The following ATG10 variants were observed in gnomAD, a reference collection of about 807,000 sequenced individuals.
ATG10 encodes ubiquitin-like-conjugating enzyme ATG10.
Under a neutral mutation model 32.1 loss-of-function variants are expected in ATG10, and 30 were observed. The observed-to-expected ratio is 0.94, with a 90% CI of 0.70 to 1.27. The LOEUF is 1.27. Among genes scored for constraint, ATG10 ranks in the 50% most tolerant of loss-of-function variants. The probability of loss-of-function intolerance (pLI) is 0.00; values close to 1 mark genes in which losing one functional copy is unlikely to be tolerated. For synonymous variants in ATG10, 87 were observed against 91.5 expected (o/e 0.95, Z 0.28); for missense variants, 233 against 262.3 (o/e 0.89, Z 0.77).
At chr5:82,103,348 C>G (rs1765340258) in intron 3 of ATG10, among the ~76,000 whole-genome samples, 1 of 152,076 alleles carries the variant, frequency 6.6e-6, no homozygotes. Flanking sequence ...AAAATGAAGT[C>G]CTAACATAGC....
intron 3 of ATG10, among the ~76,000 whole-genome samples, chr5:82,091,225 C>T (rs915283288): frequency 7.9e-5 from 12 of 152,058 alleles, no homozygotes; most frequent in African/African-American, 2.7e-4. Flanking sequence ...GCTATTTCTG[C>T]CTTTAAAAAA....
chr5:82,008,955 G>A (rs1762055395), intron 2 of ATG10, among the ~76,000 whole-genome samples: 1 of 152,144 alleles, frequency 6.6e-6, no homozygotes, highest in South Asian at 2.1e-4. Flanking sequence ...CACCATCTCA[G>A]CATGATAGCT....
intron 2 of ATG10, among the ~76,000 whole-genome samples, chr5:82,022,197 A>T (rs1397906618): frequency 6.6e-6 from 1 of 151,778 alleles, no homozygotes; most frequent in Non-Finnish European, 1.5e-5. Flanking sequence ...TCAAAAAAAA[A>T]AAAATTTTAT....
chr5:81,993,994 T>C (rs1761584966), intron 2 of ATG10, among the ~76,000 whole-genome samples: 1 of 152,180 alleles, frequency 6.6e-6, no homozygotes, highest in South Asian at 2.1e-4. Flanking sequence ...GTTTACCATC[T>C]TTTCTTTGGC....
chr5:82,223,714 A>G (rs750888082), intron 5 of ATG10, among the ~76,000 whole-genome samples: 1 of 152,224 alleles, frequency 6.6e-6, no homozygotes, highest in Non-Finnish European at 1.5e-5. Flanking sequence ...AACAACCTTT[A>G]TAGTCTTATA....
chr5:82,052,290 G>A (rs1363171310), intron 2 of ATG10, among the ~76,000 whole-genome samples: 1 of 152,156 alleles, frequency 6.6e-6, no homozygotes, highest in Non-Finnish European at 1.5e-5. Flanking sequence ...GATTCCAGCA[G>A]GCATAACATA....
At chr5:82,033,208 G>A (rs987995088) in intron 2 of ATG10, among the ~76,000 whole-genome samples, 1 of 152,022 alleles carries the variant, frequency 6.6e-6, no homozygotes, top group Admixed American at 6.6e-5. Flanking sequence ...AAATATCAAT[G>A]CAATACAATT....
Position 82,047,420 on chromosome 5 carries a change from A to G in ATG10, c.109-11075A>G, listed in dbSNP as rs1315179105. Reference sequence around the variant, plus strand: ...ACTGTTAAAAGTAATTAATAAGGAAAACGGAACTAGTGTGTTTAAACTTAC... The same window carrying G: ...ACTGTTAAAAGTAATTAATAAGGAAGACGGAACTAGTGTGTTTAAACTTAC... On this transcript the variant is annotated intron_variant, in intron 2 of 7. Transcript: ENST00000282185. Among the ~76,000 whole-genome samples the G allele has an allele frequency of 2.0e-5, 3 of 152,306 alleles. No individual in the cohort carries two copies. In the East Asian group the frequency reaches 5.8e-4, roughly 29 times the overall value.
At chr5:82,115,807 G>T (rs1765789722) in intron 3 of ATG10, among the ~76,000 whole-genome samples, 1 of 152,052 alleles carries the variant, frequency 6.6e-6, no homozygotes, top group Non-Finnish European at 1.5e-5. Flanking sequence ...GTTGGATCAG[G>T]CTGGGATTTC....
At chr5:82,243,667 G>C (rs1348842916) in intron 5 of ATG10, among the ~76,000 whole-genome samples, 1 of 151,982 alleles carries the variant, frequency 6.6e-6, no homozygotes, top group Non-Finnish European at 1.5e-5. Flanking sequence ...AGCAAAAACT[G>C]ACAAACTGCA....
At chr5:82,030,740 A>G (rs1581616397) in intron 2 of ATG10, among the ~76,000 whole-genome samples, 1 of 152,180 alleles carries the variant, frequency 6.6e-6, no homozygotes, top group Non-Finnish European at 1.5e-5. Flanking sequence ...ACAATTACCA[A>G]CTAAATTCTA....
chr5:82,190,449 A>G (rs989166989), intron 5 of ATG10, among the ~76,000 whole-genome samples: 1 of 152,026 alleles, frequency 6.6e-6, no homozygotes, highest in African/African-American at 2.4e-5. Flanking sequence ...CCCAATATTT[A>G]AATACATCTT....
intron 3 of ATG10, among the ~76,000 whole-genome samples, chr5:82,113,700 T>G (rs1440984565): frequency 6.6e-6 from 1 of 152,042 alleles, no homozygotes; most frequent in Non-Finnish European, 1.5e-5. Flanking sequence ...GCTTGTTTGA[T>G]AAGAAAAAAT....
intron 2 of ATG10, among the ~76,000 whole-genome samples, chr5:82,051,051 C>T (rs534613276): frequency 6.8e-4 from 103 of 152,054 alleles, no homozygotes; most frequent in African/African-American, 2.3e-3. Flanking sequence ...AGTTTCATAC[C>T]ATGACCGCAT....
intron 3 of ATG10, among the ~76,000 whole-genome samples, chr5:82,060,734 T>G (rs1346037634): frequency 6.6e-6 from 1 of 151,956 alleles, no homozygotes; most frequent in Non-Finnish European, 1.5e-5. Context: ...GTGTGGGGGC[T>G]TGCGCCTATG....
At chr5:82,102,684 C>G (rs921823737) in intron 3 of ATG10, among the ~76,000 whole-genome samples, 3 of 152,170 alleles carry the variant, frequency 2.0e-5, no homozygotes, top group African/African-American at 4.8e-5. Flanking sequence ...ACCAGCCACA[C>G]ATAAATTGGA....
chr5:82,010,690 A>G (rs1415021645), intron 2 of ATG10, among the ~76,000 whole-genome samples: 1 of 152,188 alleles, frequency 6.6e-6, no homozygotes, highest in Non-Finnish European at 1.5e-5. Flanking sequence ...CTGAACTAAC[A>G]CTAGGTCTAA....
intron 3 of ATG10, among the ~76,000 whole-genome samples, chr5:82,071,693 G>A (rs1024557237): frequency 3.3e-5 from 5 of 152,070 alleles, no homozygotes; most frequent in South Asian, 2.1e-4. Context: ...ACTAAGGAAA[G>A]TAATTGTCAG....
At chr5:82,214,783 C>A (rs1745614620) in intron 5 of ATG10, among the ~76,000 whole-genome samples, 1 of 152,028 alleles carries the variant, frequency 6.6e-6, no homozygotes, top group Admixed American at 6.6e-5. Flanking sequence ...ATTGAGACTC[C>A]CATGGGGAAA....
Sources: gnomAD v4.1 joint callset for allele counts (sites outside exome capture counted in the v4.1 genomes callset) on GRCh38, gnomAD v4.1.1 for gene constraint, MANE v1.5 for transcripts, NCBI Gene and HGNC (gene_info 2026-07-23, HGNC 2026-07-21) for gene names.